Variants in FANK1 observed in about 807,000 individuals in gnomAD.
FANK1 encodes fibronectin type III and ankyrin repeat domains 1.
FANK1 carries 44 observed loss-of-function variants against 45.3 expected under a neutral mutation model. The ratio of observed to expected loss-of-function variants is 0.97; its 90% CI spans 0.76 to 1.25. The LOEUF is 1.25. Among genes scored for constraint, FANK1 ranks in the 50% most tolerant of loss-of-function variants. The probability of loss-of-function intolerance (pLI) is 0.00; values close to 1 mark genes in which losing one functional copy is unlikely to be tolerated. For missense variants in FANK1, 391 were observed against 424.4 expected (o/e 0.92, Z 0.69); for synonymous variants, 149 against 152.5 (o/e 0.98, Z 0.17).
In FANK1 at chr10:125,988,611, C is replaced by T. The variant is rs144174782; in HGVS notation, c.252C>T (p.Arg84=). 5 of 1,614,180 alleles carry T rather than the reference C, an allele frequency of 3.1e-6. No homozygotes were observed. The highest frequency in any genetic ancestry group is 4.2e-6 in the Non-Finnish European group (5 of 1,180,042). The change falls in exon 3 of 11, where the codon CGC becomes CGT. Residue 84 remains arginine, a synonymous_variant. Coordinates refer to ENST00000368693, the MANE Select transcript of FANK1 (RefSeq NM_145235.5). The part of the protein sequence containing the change: ...GLEPRTLYRF[R]LKVTSPSGEC... ...AACCAAGGACGCTGTACAGATTTCGCCTGAAGGTCACCAGCCCCTCTGGGG... is the reference window on the plus strand; with the variant it reads ...AACCAAGGACGCTGTACAGATTTCGTCTGAAGGTCACCAGCCCCTCTGGGG...
chr10:126,001,014 T>A (rs1239074278), intron 6 of FANK1, among the ~76,000 whole-genome samples: 1 of 152,242 alleles, frequency 6.6e-6, no homozygotes, highest in Non-Finnish European at 1.5e-5. Context: ...TAACCTGTAC[T>A]TTCAAATATA....
chr10:126,002,763 CTTT>C (rs375158618), intron 6 of FANK1, among the ~76,000 whole-genome samples: 19 of 113,206 alleles, frequency 1.7e-4, no homozygotes, highest in East Asian at 1.0e-3. Context: ...TTTGCCTCTC[CTTT>C]TTTTTTTTTT....
At chr10:125,964,484 C>A (rs1950105576) in intron 1 of FANK1, among the ~76,000 whole-genome samples, 1 of 152,134 alleles carries the variant, frequency 6.6e-6, no homozygotes, top group African/African-American at 2.4e-5. Context: ...TGAACCACTG[C>A]ACCTGACCTA....
At position 126,005,028 on chromosome 10, in the gene FANK1, G is replaced by A; in HGVS notation, c.684G>A (p.Trp228Ter). 1 of 1,613,770 alleles carries A rather than the reference G, an allele frequency of 6.2e-7. No homozygotes were observed. The highest frequency in any genetic ancestry group is 1.7e-5 in the Admixed American group (1 of 60,022). Residue 228 changes from tryptophan to a stop codon, truncating the protein, a stop_gained, in exon 7 of 11, where the codon TGG becomes TGA. Transcript: ENST00000368693. LOFTEE classifies it high-confidence loss of function. ...GAGGCCACTGCAGTGTGATTGAGTGGATGATAAAGGATGGCTGTGAGGTAC... is the reference window on the plus strand; with the variant it reads ...GAGGCCACTGCAGTGTGATTGAGTGAATGATAAAGGATGGCTGTGAGGTAC... ...ADGGHCSVIE[W>*]MIKDGCEVDV...
intron 1 of FANK1, among the ~76,000 whole-genome samples, chr10:125,905,145 A>C (rs1193815209): frequency 7.5e-4 from 31 of 41,608 alleles, no homozygotes; most frequent in East Asian, 1.5e-3. Flanking sequence ...AAAAAAAAAA[A>C]AAAAACAAAA....
intron 1 of FANK1, among the ~76,000 whole-genome samples, chr10:125,969,849 A>G (rs1032013879): frequency 1.3e-5 from 2 of 152,190 alleles, no homozygotes; most frequent in African/African-American, 4.8e-5. Flanking sequence ...TGCTGCCTTC[A>G]AGCATCTGTT....
intron 1 of FANK1, among the ~76,000 whole-genome samples, chr10:125,932,104 C>T (rs1225722800): frequency 6.6e-6 from 1 of 152,064 alleles, no homozygotes; most frequent in Non-Finnish European, 1.5e-5. Context: ...TGACTATGGC[C>T]TTATAGTATA....
chr10:125,984,028 G>A (rs1042995336), intron 2 of FANK1, among the ~76,000 whole-genome samples: 1 of 152,202 alleles, frequency 6.6e-6, no homozygotes. Flanking sequence ...TAAGAACTTG[G>A]TGGTGGACCG....
At chr10:125,921,185 G>A (rs1183229974) in intron 1 of FANK1, among the ~76,000 whole-genome samples, 7 of 152,120 alleles carry the variant, frequency 4.6e-5, no homozygotes, top group African/African-American at 1.7e-4. Flanking sequence ...AAAATTATAT[G>A]ATCACTCCAA....
At chr10:125,934,188 A>G (rs893783486) in intron 1 of FANK1, among the ~76,000 whole-genome samples, 3 of 152,234 alleles carry the variant, frequency 2.0e-5, no homozygotes, top group Non-Finnish European at 1.5e-5. Flanking sequence ...GAAGAAAAAC[A>G]TATTAAAATT....
At chr10:125,940,147 A>C (rs1383102473) in intron 1 of FANK1, among the ~76,000 whole-genome samples, 1 of 152,106 alleles carries the variant, frequency 6.6e-6, no homozygotes, top group Non-Finnish European at 1.5e-5. Context: ...AGACTGAGAA[A>C]ATAAATAAGA....
In FANK1 at chr10:125,926,405, G is replaced by T. The variant is rs534089623; in HGVS notation, c.13+29750G>T. Reference sequence around the variant, plus strand: ...ATCACCATCGTCAAGATACAGAACAGTTCCATCAGAAGGATGGATCCCTTG... The same window carrying T: ...ATCACCATCGTCAAGATACAGAACATTTCCATCAGAAGGATGGATCCCTTG... On this transcript the variant is annotated intron_variant, in intron 1 of 10. Transcript: ENST00000368693. Among the ~76,000 whole-genome samples, 4 of 152,422 alleles carry T rather than the reference G, an allele frequency of 2.6e-5. No homozygotes were observed. The South Asian group carries it at 8.3e-4, about 32-fold the overall frequency.
intron 1 of FANK1, among the ~76,000 whole-genome samples, chr10:125,956,369 T>A (rs1279164742): frequency 6.6e-6 from 1 of 152,210 alleles, no homozygotes; most frequent in Non-Finnish European, 1.5e-5. Context: ...ATTGGAGATA[T>A]CCCTTGCCTC....
chr10:125,950,020 A>C (rs1162941077), intron 1 of FANK1, among the ~76,000 whole-genome samples: 1 of 127,772 alleles, frequency 7.8e-6, no homozygotes, highest in African/African-American at 2.8e-5. Flanking sequence ...TGGGGAAAGG[A>C]TTCCCTATTT....
chr10:125,952,268 A>G lies in FANK1; in HGVS notation c.14-27893A>G, dbSNP rs181682104. Reference sequence around the variant, plus strand: ...TTGAGTATCTTTCTTGACAGGTGAAAACTTTTATTTTAACTAGGTATCAAT... The same window carrying G: ...TTGAGTATCTTTCTTGACAGGTGAAGACTTTTATTTTAACTAGGTATCAAT... On this transcript the variant is annotated intron_variant, in intron 1 of 10. Coordinates refer to ENST00000368693, the MANE Select transcript of FANK1 (RefSeq NM_145235.5). 2.6e-5 allele frequency among the ~76,000 whole-genome samples: 4 copies of G among 152,230 alleles called. No individual in the cohort carries two copies. The East Asian group carries it at 7.7e-4, about 29-fold the overall frequency.
intron 3 of FANK1, chr10:125,994,337 C>T: frequency 2.1e-6 from 2 of 952,566 alleles, no homozygotes; most frequent in Non-Finnish European, 1.3e-6. Flanking sequence ...CATGCTAACC[C>T]CCTAGAGCCT....
At chr10:125,917,129 G>A (rs1276349275) in intron 1 of FANK1, among the ~76,000 whole-genome samples, 1 of 152,174 alleles carries the variant, frequency 6.6e-6, no homozygotes, top group African/African-American at 2.4e-5. Flanking sequence ...AACCAAAATG[G>A]AGTTACTTAT....
intron 1 of FANK1, among the ~76,000 whole-genome samples, chr10:125,974,703 T>G (rs1237999628): frequency 6.6e-6 from 1 of 152,246 alleles, no homozygotes; most frequent in Admixed American, 6.5e-5. Flanking sequence ...AATTCATTTT[T>G]CAAAGGGTGT....
At chr10:125,993,788 G>A (rs1367448974) in intron 3 of FANK1, among the ~76,000 whole-genome samples, 1 of 152,112 alleles carries the variant, frequency 6.6e-6, no homozygotes, top group Admixed American at 6.5e-5. Flanking sequence ...GAAGTATAAT[G>A]TAGCTAAAAA....
Sources: gnomAD v4.1 joint callset for allele counts (sites outside exome capture counted in the v4.1 genomes callset) on GRCh38, gnomAD v4.1.1 for gene constraint, MANE v1.5 for transcripts, NCBI Gene and HGNC (gene_info 2026-07-23, HGNC 2026-07-21) for gene names.